Variants in EXT1 observed in about 807,000 individuals in gnomAD.
The protein encoded by EXT1 is exostosin-1.
A neutral mutation model predicts 82.5 loss-of-function variants in EXT1; 20 were observed. The ratio of observed to expected loss-of-function variants is 0.24; its 90% confidence interval spans 0.17 to 0.35. The LOEUF (loss-of-function observed/expected upper bound fraction) is 0.35. Among genes scored for constraint, EXT1 ranks in the 10% least tolerant of loss-of-function variants. The pLI is 1.00. For missense variants in EXT1, 757 were observed against 936.5 expected (o/e 0.81, Z 2.50); for synonymous variants, 348 against 350.8 (o/e 0.99, Z 0.09).
At chr8:117,997,870 A>T (rs992828515) in intron 1 of EXT1, among the ~76,000 whole-genome samples, 4 of 152,224 alleles carry the variant, frequency 2.6e-5, no homozygotes, top group South Asian at 4.2e-4. Flanking sequence ...CCTCATCCCC[A>T]GTGAATCACC....
intron 1 of EXT1, among the ~76,000 whole-genome samples, chr8:117,922,352 T>C (rs1301701520): frequency 6.6e-6 from 1 of 152,182 alleles, no homozygotes; most frequent in Non-Finnish European, 1.5e-5. Context: ...TACAGAGTAC[T>C]TTCCCAAGGA....
At chr8:117,948,212 T>C (rs534309366) in intron 1 of EXT1, among the ~76,000 whole-genome samples, 5 of 149,602 alleles carry the variant, frequency 3.3e-5, no homozygotes, top group Non-Finnish European at 7.4e-5. Context: ...GAGGGTGCTC[T>C]GAAGTAGTAG....
intron 1 of EXT1, among the ~76,000 whole-genome samples, chr8:117,853,088 G>A (rs1812483488): frequency 6.6e-6 from 1 of 152,158 alleles, no homozygotes; most frequent in African/African-American, 2.4e-5. Context: ...AGATGCAAAA[G>A]TCATCAAGAA....
intron 1 of EXT1, among the ~76,000 whole-genome samples, chr8:117,869,007 G>C (rs1025519701): frequency 6.6e-6 from 1 of 152,126 alleles, no homozygotes; most frequent in Non-Finnish European, 1.5e-5. Flanking sequence ...CCGGAGCCAA[G>C]TGCCTGCCAA....
intron 1 of EXT1, among the ~76,000 whole-genome samples, chr8:118,033,281 A>G (rs554043280): frequency 1.3e-4 from 20 of 152,146 alleles, no homozygotes; most frequent in Non-Finnish European, 2.6e-4. Context: ...TTGTAACATA[A>G]ATGTTAAAAC....
At chr8:117,932,065 T>C (rs1369982788) in intron 1 of EXT1, among the ~76,000 whole-genome samples, 1 of 152,214 alleles carries the variant, frequency 6.6e-6, no homozygotes, top group African/African-American at 2.4e-5. Context: ...TTAAATTATT[T>C]CAATTCGAAA....
At chr8:118,009,741 G>A (rs1205832508) in intron 1 of EXT1, among the ~76,000 whole-genome samples, 12 of 152,272 alleles carry the variant, frequency 7.9e-5, no homozygotes, top group South Asian at 2.1e-4. Flanking sequence ...TGGGTTGCAC[G>A]CTCCTTATGA....
intron 1 of EXT1, among the ~76,000 whole-genome samples, chr8:117,957,480 G>A (rs1173263340): frequency 2.0e-5 from 3 of 151,932 alleles, no homozygotes; most frequent in South Asian, 2.2e-4. Context: ...CAGGTCTTAC[G>A]GAGGGAGCCC....
rs571967458 is a variant in EXT1, at chr8:117,886,331, A to C, written c.963-49130T>G. ...TTCATTCTCATGGTGAATGCTATTC[A>C]CTAGGGTTCCAGTGTTCTGTTAGTT... On this transcript the variant is annotated intron_variant, in intron 1 of 10. Coordinates refer to ENST00000378204, the MANE Select transcript of EXT1 (RefSeq NM_000127.3). Among the ~76,000 whole-genome samples the C allele has an allele frequency of 9.2e-5, 14 of 152,320 alleles. No individual in the cohort carries two copies. In the East Asian group the frequency reaches 2.7e-3, roughly 29 times the overall value.
chr8:117,802,396 G>C (rs1300561623), intron 10 of EXT1, among the ~76,000 whole-genome samples: 1 of 152,118 alleles, frequency 6.6e-6, no homozygotes, highest in African/African-American at 2.4e-5. Context: ...ATCAATGTTG[G>C]ATCACATAGA....
chr8:118,082,193 T>C (rs959558450), intron 1 of EXT1, among the ~76,000 whole-genome samples: 3 of 152,186 alleles, frequency 2.0e-5, no homozygotes, highest in Non-Finnish European at 4.4e-5. Flanking sequence ...CCTAAGATAC[T>C]ATGCCAGGCC....
At chr8:118,032,349 C>T (rs1370741239) in intron 1 of EXT1, among the ~76,000 whole-genome samples, 2 of 151,712 alleles carry the variant, frequency 1.3e-5, no homozygotes, top group Non-Finnish European at 2.9e-5. Context: ...CTGTGCTCCA[C>T]AGAGTCCCCC....
At position 117,878,632 on chromosome 8, in the gene EXT1, AAAG is replaced by A. The variant is rs1813009507; in HGVS notation, c.963-41434_963-41432del. ...TCAAAGGGCTGAAGTGAGGAGCATTAAAGAAGGAGAAAGATTTCTAGAACAACC... is the reference window on the plus strand; with the variant it reads ...TCAAAGGGCTGAAGTGAGGAGCATTAAAGGAGAAAGATTTCTAGAACAACC... On this transcript the variant is annotated intron_variant, in intron 1 of 10. Coordinates refer to ENST00000378204, the MANE Select transcript of EXT1 (RefSeq NM_000127.3). Among the ~76,000 whole-genome samples the A allele has an allele frequency of 3.9e-5, 6 of 152,360 alleles. No homozygotes were observed. The South Asian group carries it at 1.0e-3, about 26-fold the overall frequency.
At chr8:117,812,746 T>C (rs1823347703) in intron 8 of EXT1, 126 bp downstream of exon 8, 15 of 866,476 alleles carry the variant, frequency 1.7e-5, no homozygotes, top group East Asian at 8.0e-5. Flanking sequence ...AAACCAGCGC[T>C]GTAGGAAGTT....
chr8:117,933,919 G>GTGAAGA lies in EXT1; in HGVS notation c.963-96724_963-96719dup, dbSNP rs1396672880. ...CTCCTGCTGTCCAGCCTTGCTCCAC[G>GTGAAGA]TGAAGATGCCCTCTTCACAGAGCAA... On this transcript the variant is annotated intron_variant, in intron 1 of 10. Transcript: ENST00000378204. 1.6e-4 allele frequency among the ~76,000 whole-genome samples: 25 copies of GTGAAGA among 152,024 alleles called. 1 individual carries two copies. The highest frequency in any genetic ancestry group is 5.8e-4 in the African/African-American group (24 of 41,390).
intron 1 of EXT1, among the ~76,000 whole-genome samples, chr8:117,928,245 A>G (rs1011059172): frequency 1.3e-5 from 2 of 152,204 alleles, no homozygotes; most frequent in Admixed American, 1.3e-4. Context: ...AACCAAGGCC[A>G]TTGCTCTTTC....
rs369315064 is a variant in EXT1 at position 117,909,002 on chromosome 8, C to T, written c.963-71801G>A. Among the ~76,000 whole-genome samples the T allele has an allele frequency of 4.6e-5, 7 of 151,360 alleles. No individual in the cohort carries two copies. The East Asian group carries it at 9.9e-4, about 21-fold the overall frequency. Reference sequence around the variant, plus strand: ...CAAAAATTAGCTGGGCGTGGTTGTACGCGCCTGTAATCCCAGCTACTCGGA... The same window carrying T: ...CAAAAATTAGCTGGGCGTGGTTGTATGCGCCTGTAATCCCAGCTACTCGGA... On this transcript the variant is annotated intron_variant, in intron 1 of 10. Coordinates refer to ENST00000378204, the MANE Select transcript of EXT1 (RefSeq NM_000127.3).
chr8:118,052,889 T>C (rs1011592698), intron 1 of EXT1, among the ~76,000 whole-genome samples: 12 of 152,200 alleles, frequency 7.9e-5, no homozygotes, highest in African/African-American at 2.7e-4. Flanking sequence ...ACACCTCCTT[T>C]GTGTGCTTGG....
chr8:118,061,042 CA>C (rs914601641), intron 1 of EXT1, among the ~76,000 whole-genome samples: 1 of 152,098 alleles, frequency 6.6e-6, no homozygotes, highest in African/African-American at 2.4e-5. Flanking sequence ...ATCACAGAGA[CA>C]AAAAATTCCA....
Sources: allele counts gnomAD v4.1 joint callset (sites outside exome capture counted in the v4.1 genomes callset), GRCh38; gene constraint gnomAD v4.1.1; transcripts MANE v1.5; gene names NCBI Gene and HGNC (gene_info 2026-07-23, HGNC 2026-07-21).